The following DGKB variants were observed in gnomAD, a reference collection of about 807,000 sequenced individuals.
DGKB encodes 90 kDa diacylglycerol kinase.
A neutral mutation model predicts 114.3 loss-of-function variants in DGKB; 67 were observed. That is an observed-to-expected ratio of 0.59 (90% CI 0.48 to 0.72). DGKB has a LOEUF of 0.72. DGKB is among the 30% of genes least tolerant of loss of function. The pLI is 0.00. For missense variants in DGKB, 907 were observed against 975.2 expected (o/e 0.93, Z 0.93); for synonymous variants, 398 against 323.1 (o/e 1.23, Z -2.49).
chr7:14,405,615 G>A (rs73679725), intron 21 of DGKB, among the ~76,000 whole-genome samples: 2,887 of 152,002 alleles, frequency 0.019, 81 homozygotes, highest in African/African-American at 0.066. Flanking sequence ...AGACAGACAA[G>A]GTTCTAGCCA....
At chr7:14,737,469 G>T (rs564469676) in intron 4 of DGKB, among the ~76,000 whole-genome samples, 1 of 151,708 alleles carries the variant, frequency 6.6e-6, no homozygotes, top group Non-Finnish European at 1.5e-5. Flanking sequence ...GAGATTGACC[G>T]AATTTATTAT....
chr7:14,147,174 T>A lies in DGKB; in HGVS notation c.*1957A>T, dbSNP rs1781565372. On this transcript the variant is annotated 3_prime_UTR_variant, in exon 26 of 26. Transcript: ENST00000402815. Reference sequence around the variant, plus strand: ...ATTATGTCAGTAATGTACTTGTTACTGTTTTGAGATTTCTTTCTTTCTTTT... The same window carrying A: ...ATTATGTCAGTAATGTACTTGTTACAGTTTTGAGATTTCTTTCTTTCTTTT... The A allele has an allele frequency of 6.6e-6, 1 of 152,194 alleles. No homozygotes were observed. The highest frequency in any genetic ancestry group is 1.5e-5 in the Non-Finnish European group (1 of 68,016). The allele number at this position is 152,194 out of a possible 1,614,324, so 9.4% of individuals were successfully genotyped here.
At chr7:14,603,503 T>C (rs1485411472) in intron 17 of DGKB, among the ~76,000 whole-genome samples, 2 of 152,136 alleles carry the variant, frequency 1.3e-5, no homozygotes, top group African/African-American at 4.8e-5. Context: ...TAAAATGATA[T>C]TTTAAATTAA....
chr7:14,284,249 C>A (rs1800459729), intron 23 of DGKB, among the ~76,000 whole-genome samples: 1 of 147,662 alleles, frequency 6.8e-6, no homozygotes, highest in Non-Finnish European at 1.5e-5. Flanking sequence ...AGCCAAAAAA[C>A]ACATGAAAAA....
At chr7:14,332,235 C>T (rs1254570088) in intron 23 of DGKB, among the ~76,000 whole-genome samples, 1 of 152,092 alleles carries the variant, frequency 6.6e-6, no homozygotes, top group Non-Finnish European at 1.5e-5. Flanking sequence ...ATGAGGAAGG[C>T]GCCATTCTTT....
intron 2 of DGKB, among the ~76,000 whole-genome samples, chr7:14,826,196 G>A (rs561836052): frequency 4.6e-5 from 7 of 152,174 alleles, no homozygotes; most frequent in East Asian, 1.9e-4. Context: ...AAATGGATTC[G>A]GCCTGGGAGA....
intron 13 of DGKB, among the ~76,000 whole-genome samples, chr7:14,653,018 T>A (rs1187339455): frequency 5.2e-4 from 79 of 151,214 alleles, no homozygotes; most frequent in Non-Finnish European, 8.6e-4. Flanking sequence ...GGTGCTGGAG[T>A]GGATGTGGAG....
At chr7:14,417,437 G>T (rs1033681285) in intron 21 of DGKB, among the ~76,000 whole-genome samples, 1 of 152,016 alleles carries the variant, frequency 6.6e-6, no homozygotes, top group East Asian at 1.9e-4. Context: ...GGTAAGAGCT[G>T]TTAGAATTAT....
chr7:14,697,970 A>G, intron 8 of DGKB, 125 bp downstream of exon 8: 1 of 635,742 alleles, frequency 1.6e-6, no homozygotes. Flanking sequence ...GGAAGGAAAG[A>G]AAGAAAGAAA....
At chr7:14,681,441 G>A (rs934294440) in intron 12 of DGKB, among the ~76,000 whole-genome samples, 2 of 152,030 alleles carry the variant, frequency 1.3e-5, no homozygotes, top group Middle Eastern at 3.4e-3. Flanking sequence ...GTGAGTGTGT[G>A]TGTATGTGTG....
chr7:14,427,627 G>A (rs991584580), intron 21 of DGKB, among the ~76,000 whole-genome samples: 18 of 152,186 alleles, frequency 1.2e-4, no homozygotes, highest in African/African-American at 3.9e-4. Context: ...CATGGCTGGG[G>A]AGGACTCACA....
chr7:14,177,508 C>G (rs1445152921), intron 24 of DGKB, among the ~76,000 whole-genome samples: 1 of 125,078 alleles, frequency 8.0e-6, no homozygotes, highest in Non-Finnish European at 1.6e-5. Context: ...GAGCCAAGAT[C>G]GTGCCACTGC....
At chr7:14,824,313 C>T (rs563467692) in intron 2 of DGKB, among the ~76,000 whole-genome samples, 7 of 152,134 alleles carry the variant, frequency 4.6e-5, no homozygotes, top group African/African-American at 4.8e-5. Context: ...TACGTTTTCA[C>T]GTTAAAAATA....
chr7:14,299,653 A>G (rs1182605324), intron 23 of DGKB, among the ~76,000 whole-genome samples: 4 of 152,144 alleles, frequency 2.6e-5, no homozygotes, highest in Non-Finnish European at 5.9e-5. Context: ...AAAAAACTGA[A>G]TCACATCATT....
intron 2 of DGKB, among the ~76,000 whole-genome samples, chr7:14,806,630 T>C (rs900981582): frequency 2.0e-5 from 3 of 152,058 alleles, no homozygotes; most frequent in African/African-American, 7.2e-5. Context: ...CCTTTATGGA[T>C]ATATAGTGTG....
Position 14,876,209 on chromosome 7 carries a change from T to G in DGKB, c.-188+26383A>C, listed in dbSNP as rs1468921745. On this transcript the variant is annotated intron_variant, in intron 1 of 25. Transcript: ENST00000402815. Reference sequence around the variant, plus strand: ...GAGTTACTGCCTTTTTCTATGGCAGTGACACAACGACCCAAAAGTTACTAC... The same window carrying G: ...GAGTTACTGCCTTTTTCTATGGCAGGGACACAACGACCCAAAAGTTACTAC... Among the ~76,000 whole-genome samples the G allele has an allele frequency of 5.3e-5, 8 of 152,146 alleles. No individual in the cohort carries two copies. The East Asian group carries it at 1.5e-3, about 29-fold the overall frequency.
At chr7:14,213,803 T>G (rs1711276504) in intron 23 of DGKB, among the ~76,000 whole-genome samples, 1 of 152,134 alleles carries the variant, frequency 6.6e-6, no homozygotes, top group Non-Finnish European at 1.5e-5. Flanking sequence ...GGTGATACAG[T>G]TTACCCTCTC....
chr7:14,681,228 T>G (rs975977604), intron 12 of DGKB, among the ~76,000 whole-genome samples: 1 of 152,090 alleles, frequency 6.6e-6, no homozygotes, highest in Non-Finnish European at 1.5e-5. Context: ...ATTTGAATCA[T>G]CGTTAGACAT....
intron 12 of DGKB, among the ~76,000 whole-genome samples, chr7:14,673,499 T>C (rs1357817691): frequency 1.3e-5 from 2 of 152,012 alleles, no homozygotes; most frequent in East Asian, 3.9e-4. Flanking sequence ...GTTTTAACTT[T>C]GTAATTCAAT....
Sources: allele counts gnomAD v4.1 joint callset (sites outside exome capture counted in the v4.1 genomes callset), GRCh38; gene constraint gnomAD v4.1.1; transcripts MANE v1.5; gene names NCBI Gene and HGNC (gene_info 2026-07-23, HGNC 2026-07-21).